Variants in PSMA8 observed in about 807,000 individuals in gnomAD.
PSMA8 encodes the protein proteasome subunit alpha-type 8.
Under a neutral mutation model 32.4 loss-of-function variants are expected in PSMA8, and 18 were observed. The ratio of observed to expected loss-of-function variants is 0.56; its 90% CI spans 0.38 to 0.82. The LOEUF is 0.82. Ranked by LOEUF, PSMA8 falls within the 40% of genes least tolerant of loss-of-function variation. The probability of loss-of-function intolerance (pLI) is 0.00; values close to 1 mark genes in which losing one functional copy is unlikely to be tolerated. For missense variants in PSMA8, 298 were observed against 300.7 expected, an observed-to-expected ratio of 0.99 and a Z score of 0.07; for synonymous variants, 104 against 98.1, an observed-to-expected ratio of 1.06 and a Z score of -0.36.
intron 6 of PSMA8, 56 bp from the exon 7 acceptor site, chr18:26,192,263 T>A: frequency 8.5e-7 from 1 of 1,183,128 alleles, no homozygotes; most frequent in Non-Finnish European, 1.1e-6. Flanking sequence ...TCATATTGTA[T>A]TTACATATTA....
At chr18:26,186,680 A>C (rs2144359353) in intron 6 of PSMA8, among the ~76,000 whole-genome samples, 1 of 152,348 alleles carries the variant, frequency 6.6e-6, no homozygotes, top group Admixed American at 6.5e-5. Flanking sequence ...AAATTTTAAC[A>C]CTTTGACAGG....
chr18:26,190,848 A>C (rs940107773), intron 6 of PSMA8, among the ~76,000 whole-genome samples: 1 of 152,222 alleles, frequency 6.6e-6, no homozygotes, highest in Non-Finnish European at 1.5e-5. Flanking sequence ...TATTGTAATG[A>C]TCTATTTATA....
chr18:26,189,681 C>T (rs951762505), intron 6 of PSMA8, among the ~76,000 whole-genome samples: 16 of 152,176 alleles, frequency 1.1e-4, no homozygotes, highest in Non-Finnish European at 2.9e-5. Context: ...AGGGAACCCT[C>T]ATACACTGTT....
chr18:26,149,435 A>G (rs749604720), intron 2 of PSMA8, among the ~76,000 whole-genome samples: 8 of 152,252 alleles, frequency 5.3e-5, no homozygotes, highest in Non-Finnish European at 1.0e-4. Context: ...ATTTTTTTAA[A>G]TAAAAAAGAA....
At chr18:26,164,033 T>G (rs974998539) in intron 4 of PSMA8, among the ~76,000 whole-genome samples, 12 of 152,334 alleles carry the variant, frequency 7.9e-5, no homozygotes, top group African/African-American at 2.6e-4. Context: ...ATCAATTTAC[T>G]CAGTTCCATC....
chr18:26,183,781 A>C (rs1343606876), intron 6 of PSMA8, among the ~76,000 whole-genome samples: 4 of 150,848 alleles, frequency 2.7e-5, no homozygotes, highest in African/African-American at 9.8e-5. Flanking sequence ...TGTGAGTAAA[A>C]TGCTATCAAA....
intron 6 of PSMA8, among the ~76,000 whole-genome samples, chr18:26,183,841 A>G (rs768072705): frequency 1.3e-5 from 2 of 150,568 alleles, no homozygotes; most frequent in Non-Finnish European, 3.0e-5. Flanking sequence ...GAGTCTATCA[A>G]TGTGGCAAAC....
Position 26,143,799 on chromosome 18 carries a change from G to T in PSMA8, c.103-760G>T, listed in dbSNP as rs569158767. On this transcript the variant is annotated intron_variant, in intron 1 of 6. Transcript: ENST00000415576. ...TGCAGTGGCGCAATCTCTGCTTACT[G>T]CAAGCTCTGCTTCCTGGGTTCCAGC... 2.6e-5 allele frequency among the ~76,000 whole-genome samples: 4 copies of T among 152,000 alleles called. No individual in the cohort carries two copies. The South Asian group carries it at 8.3e-4, about 32-fold the overall frequency.
Position 26,173,748 on chromosome 18 carries a change from G to A in PSMA8, c.478-5082G>A, listed in dbSNP as rs183121855. On this transcript the variant is annotated intron_variant, in intron 4 of 6. Transcript: ENST00000415576. ...ATTTTGTATTTTTAGTAGAGATGGG[G>A]TTTCTTCATGTTGGTCAGGCTGGTC... 4.1e-3 allele frequency among the ~76,000 whole-genome samples: 618 copies of A among 152,064 alleles called. 3 individuals are homozygous for A. The highest frequency in any genetic ancestry group is 6.8e-3 in the Middle Eastern group (2 of 294).
chr18:26,159,768 T>C (rs1398300829), intron 4 of PSMA8, among the ~76,000 whole-genome samples: 2 of 152,046 alleles, frequency 1.3e-5, no homozygotes, highest in Non-Finnish European at 2.9e-5. Context: ...TGCTCTGGTG[T>C]CTTCAGTTCT....
intron 1 of PSMA8, chr18:26,140,230 C>A: frequency 1.5e-6 from 1 of 674,802 alleles, no homozygotes. Flanking sequence ...CCTAGGTCAG[C>A]AGGCAGGCTG....
intron 1 of PSMA8, among the ~76,000 whole-genome samples, chr18:26,138,046 T>C (rs2054926555): frequency 6.6e-6 from 1 of 152,058 alleles, no homozygotes; most frequent in African/African-American, 2.4e-5. Context: ...AATGGAAAAA[T>C]AGAAATAGAT....
At position 26,136,416 on chromosome 18, in the gene PSMA8, T is replaced by C. The variant is rs549519000; in HGVS notation, c.102+2349T>C. On this transcript the variant is annotated intron_variant, in intron 1 of 6. Coordinates refer to ENST00000415576, the MANE Select transcript of PSMA8 (RefSeq NM_001025096.2). ...AAATCTCAGCTCCACAATGTAGCCATCAAAGTCTTCCATAATCCTATCCAC... is the reference window on the plus strand; with the variant it reads ...AAATCTCAGCTCCACAATGTAGCCACCAAAGTCTTCCATAATCCTATCCAC... Among the ~76,000 whole-genome samples the C allele has an allele frequency of 5.0e-4, 76 of 152,344 alleles. No homozygotes were observed. The South Asian group carries it at 6.0e-3, about 12-fold the overall frequency.
intron 2 of PSMA8, among the ~76,000 whole-genome samples, chr18:26,150,528 C>G (rs895948772): frequency 1.3e-5 from 2 of 151,916 alleles, no homozygotes; most frequent in African/African-American, 4.8e-5. Flanking sequence ...TTGTAGAAAC[C>G]GGGGTCTCTC....
At position 26,193,031 on chromosome 18, in the gene PSMA8, A is replaced by G. The variant is rs1568075459; in HGVS notation, c.*620A>G. 1 of 152,216 alleles carries G rather than the reference A, an allele frequency of 6.6e-6. No homozygotes were observed. Among genetic ancestry groups the G allele is most frequent in the South Asian group, 2.1e-4 (1 of 4,834 alleles). The allele number at this position is 152,216 out of a possible 1,614,324, so 9.4% of individuals were successfully genotyped here. The stretch of plus-strand genomic sequence containing the variant: ...AAATATAGGCTGAATTCAAACATGC[A>G]ATTAAAGCATGGGAAGAGCTTCTAA... On this transcript the variant is annotated 3_prime_UTR_variant, in exon 7 of 7. Transcript: ENST00000415576.
At chr18:26,136,612 CCA>C (rs1335658400) in intron 1 of PSMA8, among the ~76,000 whole-genome samples, 1 of 152,200 alleles carries the variant, frequency 6.6e-6, no homozygotes, top group Non-Finnish European at 1.5e-5. Context: ...CTGATCCACT[CCA>C]GTCATCTTGG....
At chr18:26,145,944 G>A (rs1163929815) in intron 2 of PSMA8, among the ~76,000 whole-genome samples, 1 of 152,066 alleles carries the variant, frequency 6.6e-6, no homozygotes, top group African/African-American at 2.4e-5. Context: ...AGTCCAGAGT[G>A]GTTATACTAT....
At chr18:26,148,624 T>A (rs1210077357) in intron 2 of PSMA8, among the ~76,000 whole-genome samples, 1 of 152,032 alleles carries the variant, frequency 6.6e-6, no homozygotes, top group African/African-American at 2.4e-5. Flanking sequence ...AGATGCCCAC[T>A]TTTGCCGCTG....
chr18:26,144,650 G>T lies in PSMA8; in HGVS notation c.194G>T (p.Cys65Phe). 2 of 1,613,872 alleles carry T rather than the reference G, an allele frequency of 1.2e-6. No homozygotes were observed. The highest frequency in any genetic ancestry group is 1.7e-6 in the Non-Finnish European group (2 of 1,179,908). Residue 65 changes from cysteine to phenylalanine, a missense_variant, in exon 2 of 7, where the codon TGT (cysteine) becomes TTT (phenylalanine). Physicochemically the swap from Cys to Phe is radical, Grantham distance 205 (BLOSUM62 -2). Transcript: ENST00000415576. ...GATGAAAGAACTGTGAGGAAAATTT[G>T]TGCCCTTGATGACCATGTCTGCATG... ...LQDERTVRKI[C>F]ALDDHVCMAF...
Sources: gnomAD v4.1 joint callset for allele counts (sites outside exome capture counted in the v4.1 genomes callset) on GRCh38, gnomAD v4.1.1 for gene constraint, MANE v1.5 for transcripts, NCBI Gene and HGNC (gene_info 2026-07-23, HGNC 2026-07-21) for gene names.